The following PGM5 variants were observed in gnomAD, a reference collection of about 807,000 sequenced individuals.
PGM5 encodes phosphoglucomutase 5.
In PGM5, 23 loss-of-function variants were observed where a neutral mutation model predicts 59.2. The observed-to-expected ratio is 0.39, with a 90% CI of 0.28 to 0.55. PGM5 has a LOEUF of 0.55. Among genes scored for constraint, PGM5 ranks in the 20% least tolerant of loss-of-function variants. PGM5 has a pLI of 0.66. For synonymous variants in PGM5, 214 were observed against 286.0 expected, an observed-to-expected ratio of 0.75 and a Z score of 2.54; for missense variants, 574 against 748.3, an observed-to-expected ratio of 0.77 and a Z score of 2.72.
intron 10 of PGM5, among the ~76,000 whole-genome samples, chr9:68,504,041 A>T (rs994721853): frequency 1.8e-4 from 28 of 152,348 alleles, no homozygotes; most frequent in African/African-American, 6.7e-4. Context: ...CCCATTGAAT[A>T]GCAAAGAGCT....
At chr9:68,523,990 T>G (rs986451829) in intron 10 of PGM5, among the ~76,000 whole-genome samples, 1 of 152,064 alleles carries the variant, frequency 6.6e-6, no homozygotes, top group African/African-American at 2.4e-5. Context: ...TTGTTAGGGT[T>G]GTTTTTTTTT....
chr9:68,361,555 G>A (rs1191154734), intron 1 of PGM5, among the ~76,000 whole-genome samples: 5 of 152,266 alleles, frequency 3.3e-5, no homozygotes, highest in Non-Finnish European at 7.3e-5. Flanking sequence ...CAAGGAGCAT[G>A]CGGTTTTGAT....
chr9:68,389,788 C>T (rs1375925689), intron 4 of PGM5, among the ~76,000 whole-genome samples: 18 of 151,996 alleles, frequency 1.2e-4, no homozygotes, highest in Non-Finnish European at 2.4e-4. Flanking sequence ...TCATATGATA[C>T]GTGTATGTTT....
intron 6 of PGM5, among the ~76,000 whole-genome samples, chr9:68,434,316 C>CAA (rs71353054): frequency 3.3e-3 from 297 of 90,596 alleles, no homozygotes; most frequent in Middle Eastern, 0.016. Flanking sequence ...GACTCCGTCT[C>CAA]AAAAAAAAAA....
intron 6 of PGM5, among the ~76,000 whole-genome samples, chr9:68,413,436 C>T: frequency 6.6e-6 from 1 of 152,170 alleles, no homozygotes; most frequent in East Asian, 1.9e-4. Context: ...CAAGTACTCA[C>T]CAAACCTTGG....
rs539124001 is a variant in PGM5 at position 68,526,560 on chromosome 9, C to T, written c.1615-3007C>T. On this transcript the variant is annotated intron_variant, in intron 10 of 10. Coordinates refer to ENST00000396396, the MANE Select transcript of PGM5 (RefSeq NM_021965.4). ...ATTTGCCAGTATTTTGATTTTGGCCCAAGACCTGTTCTTTAATATGAGCAT... is the reference window on the plus strand; with the variant it reads ...ATTTGCCAGTATTTTGATTTTGGCCTAAGACCTGTTCTTTAATATGAGCAT... Among the ~76,000 whole-genome samples the T allele has an allele frequency of 9.6e-4, 146 of 152,254 alleles. 1 individual carries two copies. The highest frequency in any genetic ancestry group is 6.8e-3 in the Middle Eastern group (2 of 294).
intron 9 of PGM5, among the ~76,000 whole-genome samples, chr9:68,490,933 G>A (rs1183512541): frequency 3.9e-5 from 6 of 152,160 alleles, no homozygotes; most frequent in African/African-American, 7.2e-5. Context: ...ATTGTGATTC[G>A]ATGTGGGTTT....
chr9:68,501,645 C>T (rs1824574581), intron 10 of PGM5, among the ~76,000 whole-genome samples: 1 of 152,228 alleles, frequency 6.6e-6, no homozygotes, highest in Admixed American at 6.5e-5. Context: ...ACCAAAAGAA[C>T]CCCTTCCACC....
At chr9:68,442,420 G>A (rs562583175) in intron 6 of PGM5, among the ~76,000 whole-genome samples, 1 of 152,256 alleles carries the variant, frequency 6.6e-6, no homozygotes, top group African/African-American at 2.4e-5. Context: ...CCACCACCAT[G>A]CCCAGCTAAT....
chr9:68,519,195 G>A (rs1202843953), intron 10 of PGM5, among the ~76,000 whole-genome samples: 1 of 151,938 alleles, frequency 6.6e-6, no homozygotes, highest in East Asian at 1.9e-4. Context: ...ATATTCTTCA[G>A]GAAGAAGGAA....
chr9:68,497,323 A>G (rs1173478509), intron 9 of PGM5: 1 of 152,244 alleles, frequency 6.6e-6, no homozygotes, highest in Admixed American at 6.5e-5. Context: ...GGGCCACACT[A>G]AAATGTTTGC....
intron 1 of PGM5, among the ~76,000 whole-genome samples, chr9:68,358,326 C>A (rs1834510143): frequency 6.6e-6 from 1 of 152,264 alleles, no homozygotes; most frequent in East Asian, 1.9e-4. Flanking sequence ...TCTCCCTCTG[C>A]CCCTTTCCTC....
intron 6 of PGM5, among the ~76,000 whole-genome samples, chr9:68,458,775 T>C (rs138189499): frequency 1.8e-4 from 27 of 152,312 alleles, no homozygotes; most frequent in African/African-American, 6.0e-4. Context: ...ATGTTTTATG[T>C]TCATTTTATT....
intron 10 of PGM5, among the ~76,000 whole-genome samples, chr9:68,517,875 A>G (rs1477173140): frequency 6.6e-6 from 1 of 152,224 alleles, no homozygotes; most frequent in Non-Finnish European, 1.5e-5. Context: ...AAACAGTAAC[A>G]AGAACAGGAA....
intron 8 of PGM5, among the ~76,000 whole-genome samples, chr9:68,482,957 G>C (rs782719467): frequency 6.6e-6 from 1 of 151,978 alleles, no homozygotes; most frequent in East Asian, 1.9e-4. Flanking sequence ...CATTTAATAC[G>C]CTTGGCTAGG....
chr9:68,361,262 C>CT (rs1412581149), intron 1 of PGM5, among the ~76,000 whole-genome samples: 3 of 152,138 alleles, frequency 2.0e-5, no homozygotes, highest in African/African-American at 2.4e-5. Flanking sequence ...TAGCTCAAGA[C>CT]TTTTTTTAAC....
At chr9:68,376,413 T>G (rs1396794652) in intron 1 of PGM5, among the ~76,000 whole-genome samples, 1 of 152,060 alleles carries the variant, frequency 6.6e-6, no homozygotes, top group African/African-American at 2.4e-5. Flanking sequence ...CTTGAAAATA[T>G]GTAGCCTGGG....
At chr9:68,518,354 A>C (rs1351039373) in intron 10 of PGM5, among the ~76,000 whole-genome samples, 1 of 152,248 alleles carries the variant, frequency 6.6e-6, no homozygotes, top group Non-Finnish European at 1.5e-5. Flanking sequence ...TTTTTCAAAC[A>C]AAATGGGCAC....
chr9:68,472,463 T>C (rs1314811499), intron 7 of PGM5, among the ~76,000 whole-genome samples: 2 of 152,176 alleles, frequency 1.3e-5, no homozygotes, highest in Admixed American at 1.3e-4. Flanking sequence ...AGCTTCCATC[T>C]TGACTCCCCC....
Sources: gnomAD v4.1 joint callset for allele counts (sites outside exome capture counted in the v4.1 genomes callset) on GRCh38, gnomAD v4.1.1 for gene constraint, MANE v1.5 for transcripts, NCBI Gene and HGNC (gene_info 2026-07-23, HGNC 2026-07-21) for gene names.